Variants in PGAP6 observed in about 807,000 individuals in gnomAD.
The protein encoded by PGAP6 is post-GPI attachment to proteins factor 6.
In PGAP6, 62 loss-of-function variants were observed where a neutral mutation model predicts 68.4. That is an observed-to-expected ratio of 0.91 (90% CI 0.74 to 1.12). The LOEUF is 1.12. Among genes scored for constraint, PGAP6 ranks in the 50% most tolerant of loss-of-function variants. PGAP6 has a pLI of 0.00. For missense variants in PGAP6, 1,188 were observed against 1,068.5 expected (o/e 1.11, Z -1.56); for synonymous variants, 575 against 474.0 (o/e 1.21, Z -2.77).
At chr16:383,812 T>A (rs1039790376), upstream of PGAP6, among the ~76,000 whole-genome samples, 1 of 151,464 alleles carries the variant, frequency 6.6e-6, no homozygotes, top group East Asian at 1.9e-4. Context: ...CATACCTGTT[T>A]GTACCTTTTG....
chr16:380,511 CAT>C (rs2054427826), intron 1 of PGAP6, among the ~76,000 whole-genome samples: 1 of 152,124 alleles, frequency 6.6e-6, no homozygotes. Context: ...GGATTACAGG[CAT>C]GCGCCACCAC....
At chr16:376,504 G>A in intron 5 of PGAP6, 40 bp downstream of exon 5, 4 of 1,544,912 alleles carry the variant, frequency 2.6e-6, no homozygotes, top group Non-Finnish European at 3.5e-6. Context: ...GGGGATCTGG[G>A]GAGGGGCAGG....
chr16:381,792 G>A lies in PGAP6; in HGVS notation c.30C>T (p.Gly10=), dbSNP rs2054441448. 2 of 1,164,224 alleles carry A rather than the reference G, an allele frequency of 1.7e-6. No homozygotes were observed. Among genetic ancestry groups the A allele is most frequent in the Non-Finnish European group, 2.1e-6 (2 of 944,536 alleles). 72.1% of individuals were successfully genotyped at this position (1,164,224 alleles called of 1,614,324 possible). A position where few individuals can be genotyped will look rare whatever the true frequency, so the allele number is the denominator to read the frequency against. The change falls in exon 1 of 13, where the codon GGC becomes GGT. Residue 10 remains glycine, a synonymous_variant. Transcript: ENST00000431232. ...CCGCCACCACCGCGGCCACCGCCTC[G>A]CCCCCGGTCCCGGTGCCAGCCCGGC... is the stretch of plus-strand genomic sequence containing the variant. The part of the protein sequence containing the change: MGRAGTGTG[G]EAVAAVVAGP...
chr16:372,100 A>T lies in PGAP6; in HGVS notation c.2203T>A (p.Leu735Met), dbSNP rs762815176. 3.1e-6 allele frequency: 5 copies of T among 1,612,452 alleles called. No individual in the cohort carries two copies. Among genetic ancestry groups the T allele is most frequent in the Non-Finnish European group, 4.2e-6 (5 of 1,179,856 alleles). Residue 735 changes from leucine (L) to methionine (M), a missense_variant, in exon 13 of 13, where the codon TTG becomes ATG. Leu to Met is a conservative substitution (Grantham distance 15, BLOSUM62 2). Coordinates refer to ENST00000431232, the MANE Select transcript of PGAP6 (RefSeq NM_021259.3). ...GGCTGGTCAGGTGGCGGCAGCAGCA[A>T]GGCTGCGCTCCCGGCCAGCAGGATG... ...WHILLAGSAA[L>M]LLPPPDQPAE...
At chr16:374,458 C>G (rs942786970) in intron 9 of PGAP6, 59 bp from the exon 10 acceptor site, 1 of 1,472,364 alleles carries the variant, frequency 6.8e-7, no homozygotes, top group Non-Finnish European at 9.0e-7. Flanking sequence ...CAGGGCCCAC[C>G]CCTCACCCAG....
Position 377,415 on chromosome 16 carries a change from G to T in PGAP6, c.470C>A (p.Ala157Asp), listed in dbSNP as rs571420377. ...HPAPGDWFVA[A>D]HLPPSSQKIE... ...CTTCTGGGATGAGGGGGGCAGGTGG[G>T]CGGCCACGAACCAGTCCCCGGGGGC... Residue 157 changes from alanine to aspartate, a missense_variant, in exon 3 of 13, where the codon GCC becomes GAC. Transcript: ENST00000431232. The T allele has an allele frequency of 6.2e-7, 1 of 1,607,318 alleles. No individual in the cohort carries two copies. The highest frequency in any genetic ancestry group is 1.3e-5 in the African/African-American group (1 of 74,972).
chr16:378,614 C>T (rs1402858756), intron 1 of PGAP6, among the ~76,000 whole-genome samples: 1 of 152,228 alleles, frequency 6.6e-6, no homozygotes, highest in Non-Finnish European at 1.5e-5. Context: ...GGAGCCCCCG[C>T]CCCTCATCAC....
At position 376,492 on chromosome 16, in the gene PGAP6, C is replaced by T. The variant is rs557889524; in HGVS notation, c.905-37G>A. 27 of 1,544,866 alleles carry T rather than the reference C, an allele frequency of 1.7e-5. No individual in the cohort carries two copies. In the African/African-American group the frequency reaches 3.3e-4, roughly 19 times the overall value. On this transcript the variant is annotated intron_variant, in intron 5 of 12. Transcript: ENST00000431232. ...ACAAGGGGTTTGGCTGGAGGAAAGT[C>T]TGGGGATCTGGGGAGGGGCAGGGCC...
upstream of PGAP6, among the ~76,000 whole-genome samples, chr16:385,618 ATTTTTTTTT>A (rs71139779): frequency 9.1e-5 from 7 of 77,014 alleles, no homozygotes; most frequent in African/African-American, 2.5e-4. Flanking sequence ...GCCTACTCTG[ATTTTTTTTT>A]TTTTTTTTTT....
At position 377,505 on chromosome 16, in the gene PGAP6, AAGG is replaced by A; in HGVS notation, c.377_379del (p.Ser126del). 6.2e-7 allele frequency: 1 copy of A among 1,603,454 alleles called. No homozygotes were observed. Among genetic ancestry groups the A allele is most frequent in the Admixed American group, 1.7e-5 (1 of 58,712 alleles). ...GGTGCTCAGCGGCACCCCGACCTGG[AAGG>A]AGGGCTGTACCGCGGTGTCGTCCGG... On this transcript the variant is annotated inframe_deletion, in exon 3 of 13. Transcript: ENST00000431232.
chr16:374,905 G>A lies in PGAP6; in HGVS notation c.1440-13C>T, dbSNP rs922568129. 1 of 1,612,544 alleles carries A rather than the reference G, an allele frequency of 6.2e-7. No individual in the cohort carries two copies. ...CTGCTCACAGTCCCTTTGAGGAAGG[G>A]GCCACAGGAAAGCTGGTGCAGTGAT... On this transcript the variant is annotated splice_polypyrimidine_tract_variant and intron_variant, in intron 8 of 12. Coordinates refer to ENST00000431232, the MANE Select transcript of PGAP6 (RefSeq NM_021259.3).
At position 381,831 on chromosome 16, in the gene PGAP6, C is replaced by G. The variant is rs1431750949; in HGVS notation, c.-10G>C. 1 of 1,042,574 alleles carries G rather than the reference C, an allele frequency of 9.6e-7. No homozygotes were observed. Among genetic ancestry groups the G allele is most frequent in the African/African-American group, 1.7e-5 (1 of 58,164 alleles). 64.6% of individuals were successfully genotyped at this position (1,042,574 alleles called of 1,614,324 possible). ...TGCCAGCCCGGCCCATGGCTCCGCG[C>G]TCGGCCCGGCGCTACCCGGCCCGCG... is the stretch of plus-strand genomic sequence containing the variant. On this transcript the variant is annotated 5_prime_UTR_variant, in exon 1 of 13. Transcript: ENST00000431232.
Position 371,244 on chromosome 16 carries a change from G to C in PGAP6, c.*743C>G, listed in dbSNP as rs2054328850. ...ACACCACCGCAGCTCCTGGGACCAA[G>C]AGGAAGCTCCCAGAGGGGGGCCCAG... On this transcript the variant is annotated 3_prime_UTR_variant, in exon 13 of 13. Coordinates refer to ENST00000431232, the MANE Select transcript of PGAP6 (RefSeq NM_021259.3). The C allele has an allele frequency of 6.6e-6, 1 of 152,472 alleles. No homozygotes were observed. Among genetic ancestry groups the C allele is most frequent in the Non-Finnish European group, 1.5e-5 (1 of 68,236 alleles). 9.4% of individuals were successfully genotyped at this position (152,472 alleles called of 1,614,324 possible).
At chr16:378,385 CT>C (rs2054409692) in intron 1 of PGAP6, among the ~76,000 whole-genome samples, 1 of 123,630 alleles carries the variant, frequency 8.1e-6, no homozygotes, top group Non-Finnish European at 1.7e-5. Flanking sequence ...CATCGCCACC[CT>C]GACTGCCATC....
Position 377,774 on chromosome 16 carries a change from T to C in PGAP6, c.196A>G (p.Arg66Gly). ...LSFYSWYGSA[R>G]LFRFRVPPDA... ...GGGGGCACGCGGAAGCGGAAGAGCC[T>C]GGCACTGCCGTACCAGCTGTAGAAG... Residue 66 changes from arginine (R) to glycine (G), a missense_variant, in exon 2 of 13, where the codon AGG (arginine) becomes GGG (glycine). Transcript: ENST00000431232. The C allele has an allele frequency of 6.3e-7, 1 of 1,587,818 alleles. No homozygotes were observed. The highest frequency in any genetic ancestry group is 8.6e-7 in the Non-Finnish European group (1 of 1,167,922).
rs371316949 is a variant in PGAP6, at chr16:376,367, C to T, written c.993G>A (p.Pro331=). ...SFNASSGLLS[P]SPDHQDLGRS... is the part of the protein sequence containing the mutation. ...TGCCCAGGTCCTGGTGGTCGGGGCT[C>T]GGGGACAGCAGACCAGAGGAGGCAT... The change falls in exon 6 of 13, where the codon CCG becomes CCA. Residue 331 remains proline, a synonymous_variant. Coordinates refer to ENST00000431232, the MANE Select transcript of PGAP6 (RefSeq NM_021259.3). 25 of 1,611,538 alleles carry T rather than the reference C, an allele frequency of 1.6e-5. No homozygotes were observed. In the African/African-American group the frequency reaches 1.9e-4, roughly 12 times the overall value.
chr16:376,652 G>C lies in PGAP6; in HGVS notation c.796C>G (p.Arg266Gly). ...LTCTGAPWPC[R>G]LLLPSPPWDR... The stretch of plus-strand genomic sequence containing the variant: ...CAGGGCGGTGAGGGCAGCAGCAGGC[G>C]GCAGGGCCAGGGGGCACCGGTGCAG... The change falls in exon 5 of 13, where the codon CGC becomes GGC. Residue 266 changes from arginine (R) to glycine (G), a missense_variant. Transcript: ENST00000431232. 6.2e-7 allele frequency: 1 copy of C among 1,608,044 alleles called. No individual in the cohort carries two copies. Among genetic ancestry groups the C allele is most frequent in the Non-Finnish European group, 8.5e-7 (1 of 1,177,646 alleles).
At chr16:378,199 G>A (rs78622646) in intron 1 of PGAP6, among the ~76,000 whole-genome samples, 1 of 132,072 alleles carries the variant, frequency 7.6e-6, no homozygotes, top group Non-Finnish European at 1.6e-5. Flanking sequence ...CACTGCCATC[G>A]CCACCCTGAC....
Position 375,362 on chromosome 16 carries a change from G to T in PGAP6, c.1298C>A (p.Ser433Ter). 2 of 1,612,936 alleles carry T rather than the reference G, an allele frequency of 1.2e-6. No homozygotes were observed. Among genetic ancestry groups the T allele is most frequent in the South Asian group, 1.1e-5 (1 of 91,084 alleles). Residue 433 changes from serine (S) to a stop codon, truncating the protein, a stop_gained, in exon 7 of 13, where the codon TCG becomes TAG. Coordinates refer to ENST00000431232, the MANE Select transcript of PGAP6 (RefSeq NM_021259.3). LOFTEE classifies it high-confidence loss of function. Reference protein sequence around the residue: ...AASPFLGFNTSLNCTTAFFQG... With the variant: ...AASPFLGFNT ...CATCATACCTGTGGTGCAGTTGAGCGAAGTATTGAAGCCAAGGAAGGGCGA... is the reference window on the plus strand; with the variant it reads ...CATCATACCTGTGGTGCAGTTGAGCTAAGTATTGAAGCCAAGGAAGGGCGA...
Sources: allele counts gnomAD v4.1 joint callset (sites outside exome capture counted in the v4.1 genomes callset), GRCh38; gene constraint gnomAD v4.1.1; transcripts MANE v1.5; gene names NCBI Gene and HGNC (gene_info 2026-07-23, HGNC 2026-07-21).